Variants in RPS6KA5 observed in about 807,000 individuals in gnomAD.
RPS6KA5 encodes the protein ribosomal protein S6 kinase alpha-5.
A neutral mutation model predicts 85.5 loss-of-function variants in RPS6KA5; 27 were observed. The observed-to-expected ratio is 0.32, with a 90% CI of 0.23 to 0.44. The LOEUF (loss-of-function observed/expected upper bound fraction) is 0.44. Ranked by LOEUF, RPS6KA5 falls within the 20% of genes least tolerant of loss-of-function variation. The probability of loss-of-function intolerance (pLI) is 1.00; values close to 1 mark genes in which losing one functional copy is unlikely to be tolerated. For missense variants in RPS6KA5, 811 were observed against 980.9 expected (o/e 0.83, Z 2.31); for synonymous variants, 334 against 348.2 (o/e 0.96, Z 0.46).
intron 9 of RPS6KA5, among the ~76,000 whole-genome samples, chr14:90,901,675 G>A (rs1285816309): frequency 1.3e-5 from 2 of 152,144 alleles, no homozygotes. Context: ...AAGAAGAAAA[G>A]ACACCGTCTG....
intron 3 of RPS6KA5, among the ~76,000 whole-genome samples, chr14:90,974,079 A>G (rs931302554): frequency 4.6e-5 from 7 of 151,550 alleles, no homozygotes; most frequent in Admixed American, 4.6e-4. Context: ...AACACCACAC[A>G]GAATATTTTC....
At chr14:91,040,500 G>A (rs947997878) in intron 1 of RPS6KA5, among the ~76,000 whole-genome samples, 1 of 152,086 alleles carries the variant, frequency 6.6e-6, no homozygotes, top group Non-Finnish European at 1.5e-5. Context: ...AGGTGCCTGT[G>A]GACTATCCAA....
At chr14:90,941,359 T>C (rs1330795124) in intron 5 of RPS6KA5, among the ~76,000 whole-genome samples, 3 of 152,174 alleles carry the variant, frequency 2.0e-5, no homozygotes, top group Admixed American at 1.3e-4. Context: ...GGAGATTTTG[T>C]TCTTGGCTTC....
intron 1 of RPS6KA5, among the ~76,000 whole-genome samples, chr14:91,015,793 C>G (rs2041463599): frequency 6.6e-6 from 1 of 152,154 alleles, no homozygotes; most frequent in African/African-American, 2.4e-5. Context: ...GGACTACAGC[C>G]AACTCATTTT....
chr14:90,980,148 A>G (rs2039731784), intron 2 of RPS6KA5, among the ~76,000 whole-genome samples: 1 of 152,230 alleles, frequency 6.6e-6, no homozygotes, highest in Non-Finnish European at 1.5e-5. Flanking sequence ...ATTAGGGTAT[A>G]CAAATAAAAA....
At chr14:90,981,529 G>T (rs756415698) in intron 2 of RPS6KA5, among the ~76,000 whole-genome samples, 1 of 152,172 alleles carries the variant, frequency 6.6e-6, no homozygotes, top group Non-Finnish European at 1.5e-5. Flanking sequence ...AAATCATCCT[G>T]ATTGCTATGT....
chr14:90,931,052 G>T (rs1188735932), intron 5 of RPS6KA5, among the ~76,000 whole-genome samples: 2 of 152,174 alleles, frequency 1.3e-5, no homozygotes, highest in Non-Finnish European at 2.9e-5. Context: ...ATATCCAAAA[G>T]AATTGAAGGC....
intron 1 of RPS6KA5, among the ~76,000 whole-genome samples, chr14:91,021,222 T>A (rs1232794546): frequency 6.6e-6 from 1 of 152,222 alleles, no homozygotes; most frequent in Non-Finnish European, 1.5e-5. Context: ...ACTTTCTGAC[T>A]CTTCCACTTC....
At chr14:91,045,676 A>G (rs1318717774) in intron 1 of RPS6KA5, among the ~76,000 whole-genome samples, 1 of 152,114 alleles carries the variant, frequency 6.6e-6, no homozygotes, top group Non-Finnish European at 1.5e-5. Context: ...GTAGTTTCCT[A>G]CCTGGTTTCC....
At chr14:90,992,624 C>T (rs1391837343) in intron 2 of RPS6KA5, among the ~76,000 whole-genome samples, 1 of 152,172 alleles carries the variant, frequency 6.6e-6, no homozygotes, top group Non-Finnish European at 1.5e-5. Flanking sequence ...TTACACTGGA[C>T]TCATACAATG....
chr14:90,885,014 AGGCTGAGATGGGTGGAC>A (rs2034097071), intron 14 of RPS6KA5, among the ~76,000 whole-genome samples: 1 of 152,118 alleles, frequency 6.6e-6, no homozygotes, highest in African/African-American at 2.4e-5. Context: ...GAACTTTGGG[AGGCTGAGATGGGTGGAC>A]TGCTTGAGCC....
In RPS6KA5 at chr14:90,961,453, A is replaced by C. The variant is rs1418989425; in HGVS notation, c.395-13903T>G. On this transcript the variant is annotated intron_variant, in intron 3 of 16. Coordinates refer to ENST00000614987, the MANE Select transcript of RPS6KA5 (RefSeq NM_004755.4). Reference sequence around the variant, plus strand: ...GCTGCTTTTGAGGAGCAGCCTCATCAGGCAGTCGGACTTGATAATTTTTGT... The same window carrying C: ...GCTGCTTTTGAGGAGCAGCCTCATCCGGCAGTCGGACTTGATAATTTTTGT... Among the ~76,000 whole-genome samples the C allele has an allele frequency of 1.3e-5, 2 of 152,178 alleles. 1 individual carries two copies. The highest frequency in any genetic ancestry group is 4.1e-4 in the South Asian group (2 of 4,826).
At chr14:91,047,689 C>A (rs2042931130) in intron 1 of RPS6KA5, among the ~76,000 whole-genome samples, 1 of 152,118 alleles carries the variant, frequency 6.6e-6, no homozygotes, top group South Asian at 2.1e-4. Flanking sequence ...TTACTAACAC[C>A]ACAAATTCGT....
chr14:90,925,392 T>C (rs1375719348), intron 5 of RPS6KA5, among the ~76,000 whole-genome samples: 1 of 152,212 alleles, frequency 6.6e-6, no homozygotes. Flanking sequence ...CTAGCACTCA[T>C]TCGTTTCTGT....
chr14:90,954,166 T>C (rs1037408172), intron 3 of RPS6KA5, among the ~76,000 whole-genome samples: 2 of 152,224 alleles, frequency 1.3e-5, no homozygotes, highest in African/African-American at 2.4e-5. Flanking sequence ...TCAACACTTA[T>C]GGAAAATAGA....
At chr14:91,027,805 ACCAGCCC>A (rs1431913175) in intron 1 of RPS6KA5, among the ~76,000 whole-genome samples, 1 of 152,206 alleles carries the variant, frequency 6.6e-6, no homozygotes, top group Non-Finnish European at 1.5e-5. Context: ...AGTTAAATAC[ACCAGCCC>A]TGAAGTCTTA....
Position 90,978,520 on chromosome 14 carries a change from A to G in RPS6KA5, c.180T>C (p.Tyr60=). 6.3e-7 allele frequency: 1 copy of G among 1,578,646 alleles called. No homozygotes were observed. Among genetic ancestry groups the G allele is most frequent in the Non-Finnish European group, 8.6e-7 (1 of 1,162,284 alleles). The stretch of plus-strand genomic sequence containing the variant: ...TTTTACGAACTAGAAATACTTTTCC[A>G]TAAGCTGAAAATGAAAAGAAAAAAT... ...ELLKVLGTGA[Y]GKVFLVRKIS... The change falls in exon 3 of 17, where the codon TAT becomes TAC. Residue 60 remains tyrosine, a synonymous_variant. Coordinates refer to ENST00000614987, the MANE Select transcript of RPS6KA5 (RefSeq NM_004755.4).
intron 3 of RPS6KA5, among the ~76,000 whole-genome samples, chr14:90,962,488 T>C (rs2038855279): frequency 6.6e-6 from 1 of 152,108 alleles, no homozygotes; most frequent in Non-Finnish European, 1.5e-5. Context: ...GGTTTCGCCA[T>C]GTTAGCCTGG....
At chr14:90,990,660 G>A (rs370402530) in intron 2 of RPS6KA5, among the ~76,000 whole-genome samples, 1 of 151,876 alleles carries the variant, frequency 6.6e-6, no homozygotes, top group East Asian at 1.9e-4. Context: ...ATGGTGGACT[G>A]GATAAAGAAA....
Sources: gnomAD v4.1 joint callset for allele counts (sites outside exome capture counted in the v4.1 genomes callset) on GRCh38, gnomAD v4.1.1 for gene constraint, MANE v1.5 for transcripts, NCBI Gene and HGNC (gene_info 2026-07-23, HGNC 2026-07-21) for gene names.